The following LRP1B variants were observed in gnomAD, a reference collection of about 807,000 sequenced individuals.
LRP1B encodes the protein LDL receptor related protein 1B, also known as low-density lipoprotein receptor-related protein 1B.
LRP1B carries 217 observed loss-of-function variants against 556.6 expected under a neutral mutation model. The ratio of observed to expected loss-of-function variants is 0.39; its 90% CI spans 0.35 to 0.44. LRP1B has a LOEUF of 0.44. Among genes scored for constraint, LRP1B ranks in the 20% least tolerant of loss-of-function variants. The pLI is 1.00. For missense variants in LRP1B, 5,053 were observed against 5,620.8 expected (o/e 0.90, Z 3.23); for synonymous variants, 2,047 against 1,865.8 (o/e 1.10, Z -2.50).
At chr2:140,244,419 C>T (rs1196589621) in intron 87 of LRP1B, among the ~76,000 whole-genome samples, 1 of 151,278 alleles carries the variant, frequency 6.6e-6, no homozygotes, top group East Asian at 1.9e-4. Context: ...TTCATAATTT[C>T]AGCGGATACA....
chr2:141,273,530 CA>C (rs1038606866), intron 3 of LRP1B, among the ~76,000 whole-genome samples: 4 of 151,434 alleles, frequency 2.6e-5, no homozygotes, highest in African/African-American at 7.3e-5. Flanking sequence ...AATCCACATG[CA>C]AAAAAAATAA....
At chr2:142,031,038 C>A (rs777475594) in intron 1 of LRP1B, among the ~76,000 whole-genome samples, 4 of 151,804 alleles carry the variant, frequency 2.6e-5, no homozygotes, top group Non-Finnish European at 4.4e-5. Flanking sequence ...ATTTCTTATA[C>A]CCTTACATAT....
At chr2:140,928,217 C>T (rs533431866) in intron 20 of LRP1B, among the ~76,000 whole-genome samples, 1 of 152,058 alleles carries the variant, frequency 6.6e-6, no homozygotes, top group Non-Finnish European at 1.5e-5. Flanking sequence ...AATAATTATA[C>T]AAGAAATCAA....
chr2:141,874,003 G>C (rs898426157), intron 1 of LRP1B, among the ~76,000 whole-genome samples: 6 of 148,112 alleles, frequency 4.1e-5, no homozygotes, highest in African/African-American at 2.5e-5. Flanking sequence ...TATGCATAGA[G>C]AGACAAAAAG....
At chr2:141,792,295 C>T (rs1166736534) in intron 2 of LRP1B, among the ~76,000 whole-genome samples, 1 of 151,748 alleles carries the variant, frequency 6.6e-6, no homozygotes, top group Admixed American at 6.6e-5. Context: ...GATCTCAGAC[C>T]CATACTTTTG....
chr2:141,117,948 A>G (rs1225495380), intron 7 of LRP1B, among the ~76,000 whole-genome samples: 1 of 151,966 alleles, frequency 6.6e-6, no homozygotes, highest in East Asian at 1.9e-4. Flanking sequence ...ATAACTCATC[A>G]TCATATATGT....
chr2:142,010,283 C>T (rs369092449), intron 1 of LRP1B, among the ~76,000 whole-genome samples: 18 of 152,110 alleles, frequency 1.2e-4, no homozygotes, highest in African/African-American at 4.1e-4. Flanking sequence ...CATACCTTGG[C>T]AGGGTTCATG....
intron 7 of LRP1B, among the ~76,000 whole-genome samples, chr2:141,183,251 A>G (rs1407918911): frequency 6.6e-6 from 1 of 152,042 alleles, no homozygotes; most frequent in East Asian, 1.9e-4. Context: ...ACAGAAGTAG[A>G]AAACCTGCTA....
chr2:141,478,964 G>C (rs1406288058), intron 3 of LRP1B, among the ~76,000 whole-genome samples: 2 of 152,074 alleles, frequency 1.3e-5, no homozygotes, highest in Non-Finnish European at 2.9e-5. Context: ...CTGCAACTAT[G>C]AATCTGCTGA....
chr2:142,074,348 C>T (rs933283183), intron 1 of LRP1B, among the ~76,000 whole-genome samples: 14 of 151,976 alleles, frequency 9.2e-5, no homozygotes, highest in South Asian at 2.1e-4. Flanking sequence ...CCTCTTCTGG[C>T]TTCTCTCCAC....
rs1196225250 is a variant in LRP1B at position 141,325,123 on chromosome 2, C to T, written c.344-70482G>A. Among the ~76,000 whole-genome samples, 7 of 150,130 alleles carry T rather than the reference C, an allele frequency of 4.7e-5. No individual in the cohort carries two copies. The East Asian group carries it at 1.4e-3, about 29-fold the overall frequency. ...TTAAATTTAGATAAAATGTTAAAGG[C>T]TTTTTTTTTGGCAAATTACTGGATT... is the stretch of plus-strand genomic sequence containing the variant. On this transcript the variant is annotated intron_variant, in intron 3 of 90. Transcript: ENST00000389484.
rs144587734 is a variant in LRP1B, at chr2:141,365,084, G to T, written c.344-110443C>A. Among the ~76,000 whole-genome samples, 535 of 152,238 alleles carry T rather than the reference G, an allele frequency of 3.5e-3. 16 individuals carry two copies. The highest frequency in any genetic ancestry group is 0.032 in the Admixed American group (494 of 15,286). On this transcript the variant is annotated intron_variant, in intron 3 of 90. Coordinates refer to ENST00000389484, the MANE Select transcript of LRP1B (RefSeq NM_018557.3). ...AGGCTTATAGTTGCTTTTTATAGCT[G>T]CATATGTAAACCCATGTAATATGAA...
At chr2:141,410,389 A>T (rs1690807675) in intron 3 of LRP1B, among the ~76,000 whole-genome samples, 1 of 152,074 alleles carries the variant, frequency 6.6e-6, no homozygotes, top group African/African-American at 2.4e-5. Context: ...CTCTCATACA[A>T]GGAAATTTTA....
chr2:140,284,763 G>A (rs767996725), intron 84 of LRP1B, among the ~76,000 whole-genome samples: 1 of 143,822 alleles, frequency 7.0e-6, no homozygotes. Flanking sequence ...CCAAAAATAT[G>A]AGTGAAAAGT....
At chr2:141,254,153 A>G (rs1684373113) in intron 4 of LRP1B, among the ~76,000 whole-genome samples, 1 of 152,154 alleles carries the variant, frequency 6.6e-6, no homozygotes, top group Non-Finnish European at 1.5e-5. Flanking sequence ...TATAAAGAAC[A>G]TTACATGATT....
chr2:140,268,032 G>C (rs1682289178), intron 86 of LRP1B, among the ~76,000 whole-genome samples: 1 of 151,874 alleles, frequency 6.6e-6, no homozygotes, highest in African/African-American at 2.4e-5. Flanking sequence ...GTCCTCCTGA[G>C]ACCTATTTAT....
intron 41 of LRP1B, among the ~76,000 whole-genome samples, chr2:140,659,103 T>TTG (rs1684996206): frequency 7.9e-6 from 1 of 126,110 alleles, no homozygotes; most frequent in African/African-American, 3.2e-5. Flanking sequence ...AATCTGTTTT[T>TTG]TTTTTTTTTT....
intron 18 of LRP1B, among the ~76,000 whole-genome samples, chr2:140,961,311 C>T (rs1053886856): frequency 6.6e-6 from 1 of 151,914 alleles, no homozygotes; most frequent in African/African-American, 2.4e-5. Context: ...AAAATATATA[C>T]ATTTTTCTTG....
chr2:141,636,164 A>T (rs1012428419), intron 2 of LRP1B, among the ~76,000 whole-genome samples: 2 of 152,162 alleles, frequency 1.3e-5, no homozygotes, highest in Non-Finnish European at 2.9e-5. Context: ...TCCACTTATA[A>T]AAAGAAGATA....
Sources: gnomAD v4.1 joint callset for allele counts (sites outside exome capture counted in the v4.1 genomes callset) on GRCh38, gnomAD v4.1.1 for gene constraint, MANE v1.5 for transcripts, NCBI Gene and HGNC (gene_info 2026-07-23, HGNC 2026-07-21) for gene names.